PRKAG2: variants seen among roughly 807,000 people sequenced by gnomAD.
The protein encoded by PRKAG2 is protein kinase AMP-activated non-catalytic subunit gamma 2.
Under a neutral mutation model 69.6 loss-of-function variants are expected in PRKAG2, and 26 were observed. The observed-to-expected ratio is 0.37, with a 90% CI of 0.27 to 0.52. The LOEUF (loss-of-function observed/expected upper bound fraction) is 0.52, where lower values mean the gene tolerates loss of function less well. Among genes scored for constraint, PRKAG2 ranks in the 20% least tolerant of loss-of-function variants. The pLI is 0.90. For synonymous variants in PRKAG2, 293 were observed against 285.0 expected (o/e 1.03, Z -0.28); for missense variants, 557 against 740.0 (o/e 0.75, Z 2.87).
chr7:151,841,985 C>CGTAGTGATGGTAGATAGGGATG (rs2079306055), intron 1 of PRKAG2, among the ~76,000 whole-genome samples: 1 of 48,452 alleles, frequency 2.1e-5, no homozygotes. Flanking sequence ...AGTGATGGTA[C>CGTAGTGATGGTAGATAGGGATG]GTAGTGATGG....
At chr7:151,742,548 C>T (rs554833401) in intron 3 of PRKAG2, among the ~76,000 whole-genome samples, 6 of 151,922 alleles carry the variant, frequency 3.9e-5, no homozygotes, top group Admixed American at 2.6e-4. Flanking sequence ...CACTTGAACC[C>T]GGGAGGCGGA....
chr7:151,773,700 T>C (rs2076198446), intron 3 of PRKAG2, among the ~76,000 whole-genome samples: 1 of 152,216 alleles, frequency 6.6e-6, no homozygotes, highest in South Asian at 2.1e-4. Flanking sequence ...ATCTTATTAT[T>C]GGCAGTTCAT....
At chr7:151,808,591 T>C (rs1586629902) in intron 1 of PRKAG2, among the ~76,000 whole-genome samples, 1 of 86,108 alleles carries the variant, frequency 1.2e-5, no homozygotes, top group Non-Finnish European at 2.6e-5. Context: ...GTGCAGGTTG[T>C]TGGGGGGGCT....
At position 151,807,928 on chromosome 7, in the gene PRKAG2, G is replaced by A. The variant is rs553894147; in HGVS notation, c.115-21387C>T. Among the ~76,000 whole-genome samples the A allele has an allele frequency of 1.9e-4, 29 of 152,316 alleles. No homozygotes were observed. In the South Asian group the frequency reaches 6.0e-3, roughly 32 times the overall value. ...CCTGTAGTGGGGACGCTAGACTCAAGGGAAGGCTCTGGAGGAAGGAAGAGG... is the reference window on the plus strand; with the variant it reads ...CCTGTAGTGGGGACGCTAGACTCAAAGGAAGGCTCTGGAGGAAGGAAGAGG... On this transcript the variant is annotated intron_variant, in intron 1 of 15. Coordinates refer to ENST00000287878, the MANE Select transcript of PRKAG2 (RefSeq NM_016203.4). The surrounding 1 kb of genome is among the most constrained non-coding windows in gnomAD (Gnocchi z 4.4).
chr7:151,734,720 T>A (rs1004990404), intron 3 of PRKAG2, among the ~76,000 whole-genome samples: 1 of 152,068 alleles, frequency 6.6e-6, no homozygotes. Flanking sequence ...CGGCTAACTT[T>A]TAAATTTTTT....
intron 3 of PRKAG2, among the ~76,000 whole-genome samples, chr7:151,766,538 G>A (rs1161397068): frequency 6.6e-6 from 1 of 152,224 alleles, no homozygotes; most frequent in Non-Finnish European, 1.5e-5. Context: ...TAAAAGCAGA[G>A]TGCTGAGACC....
At chr7:151,685,468 C>T (rs1425584294) in intron 3 of PRKAG2, among the ~76,000 whole-genome samples, 1 of 152,146 alleles carries the variant, frequency 6.6e-6, no homozygotes, top group African/African-American at 2.4e-5. Context: ...AAAATTTTCT[C>T]AGTTTTAATT....
At chr7:151,625,649 C>T (rs1398615991) in intron 5 of PRKAG2, among the ~76,000 whole-genome samples, 1 of 152,130 alleles carries the variant, frequency 6.6e-6, no homozygotes, top group Admixed American at 6.5e-5. Context: ...GGTGAACAAG[C>T]CGGAAGCAGC....
intron 3 of PRKAG2, among the ~76,000 whole-genome samples, chr7:151,681,269 G>T (rs1833850992): frequency 6.6e-6 from 1 of 152,244 alleles, no homozygotes; most frequent in Non-Finnish European, 1.5e-5. Flanking sequence ...TTCTGGTGGG[G>T]CTGAATGATT....
chr7:151,735,930 T>C, intron 3 of PRKAG2: 3 of 1,536,276 alleles, frequency 2.0e-6, no homozygotes, highest in Admixed American at 2.0e-5. Flanking sequence ...GACTGGCGCC[T>C]CTCCGTGCTT....
At chr7:151,633,076 C>CCG (rs1329533552) in intron 4 of PRKAG2, 1 of 152,234 alleles carries the variant, frequency 6.6e-6, no homozygotes, top group East Asian at 1.9e-4. Context: ...TGCACGGGCG[C>CCG]CGCGAATGCG....
chr7:151,839,176 C>A (rs556047199), intron 1 of PRKAG2, among the ~76,000 whole-genome samples: 1 of 152,250 alleles, frequency 6.6e-6, no homozygotes, highest in South Asian at 2.1e-4. Context: ...GCTCGCTGCA[C>A]CAGAAGCTTC....
intron 5 of PRKAG2, among the ~76,000 whole-genome samples, chr7:151,623,341 G>A (rs1306624679): frequency 8.7e-6 from 1 of 114,890 alleles, no homozygotes. Context: ...TCCAGCCTGG[G>A]CAACAGAGCA....
At chr7:151,655,978 A>T (rs1048683138) in intron 4 of PRKAG2, among the ~76,000 whole-genome samples, 4 of 152,220 alleles carry the variant, frequency 2.6e-5, no homozygotes, top group Non-Finnish European at 5.9e-5. Context: ...TCAAACAGGC[A>T]AACTTAATTT....
At chr7:151,833,492 G>T (rs1436849479) in intron 1 of PRKAG2, among the ~76,000 whole-genome samples, 2 of 152,216 alleles carry the variant, frequency 1.3e-5, no homozygotes, top group African/African-American at 4.8e-5. Context: ...GCGGGTGAGA[G>T]ACAGCCCTGT....
chr7:151,603,453 A>C (rs866357066), intron 5 of PRKAG2, among the ~76,000 whole-genome samples: 2 of 38,850 alleles, frequency 5.1e-5, no homozygotes, highest in Admixed American at 2.6e-4. Flanking sequence ...ACGGAGGGAC[A>C]CGCTCCGTCC....
At chr7:151,786,589 C>G (rs766409743) in intron 1 of PRKAG2, 48 bp from the exon 2 acceptor site, 1 of 1,496,494 alleles carries the variant, frequency 6.7e-7, no homozygotes, top group Non-Finnish European at 9.2e-7. Context: ...CCCTCGGGCC[C>G]AGGGGCTGCA....
intron 3 of PRKAG2, among the ~76,000 whole-genome samples, chr7:151,737,245 C>T (rs1404870403): frequency 6.6e-6 from 1 of 151,802 alleles, no homozygotes; most frequent in Non-Finnish European, 1.5e-5. Flanking sequence ...GTGGCTCACG[C>T]CTGTAATCTC....
At chr7:151,848,052 C>T (rs984011724) in intron 1 of PRKAG2, among the ~76,000 whole-genome samples, 2 of 152,240 alleles carry the variant, frequency 1.3e-5, no homozygotes, top group Non-Finnish European at 2.9e-5. Flanking sequence ...CCACCCCTCC[C>T]TCCTGCACTG....
Sources: allele counts gnomAD v4.1 joint callset (sites outside exome capture counted in the v4.1 genomes callset), GRCh38; gene constraint gnomAD v4.1.1; non-coding constraint Gnocchi (gnomAD v3.1); transcripts MANE v1.5; gene names NCBI Gene and HGNC (gene_info 2026-07-23, HGNC 2026-07-21).